HAGHL: variants seen among roughly 807,000 people sequenced by gnomAD.
HAGHL encodes the protein hydroxyacylglutathione hydrolase like, also known as hydroxyacylglutathione hydrolase-like protein.
In HAGHL, 27 loss-of-function variants were observed where a neutral mutation model predicts 29.2. That is an observed-to-expected ratio of 0.92 (90% CI 0.68 to 1.27). HAGHL has a LOEUF of 1.27. HAGHL is among the 50% of genes most tolerant of loss of function. The probability of loss-of-function intolerance (pLI) is 0.00; values close to 1 mark genes in which losing one functional copy is unlikely to be tolerated. For synonymous variants in HAGHL, 223 were observed against 185.7 expected, an observed-to-expected ratio of 1.20 and a Z score of -1.63; for missense variants, 529 against 405.5, an observed-to-expected ratio of 1.30 and a Z score of -2.62.
chr16:728,701 A>G (rs1272420700), intron 5 of HAGHL, 93 bp from the exon 6 acceptor site: 1 of 1,312,152 alleles, frequency 7.6e-7, no homozygotes, highest in East Asian at 2.4e-5. Flanking sequence ...TGCCCACCTG[A>G]GGGCAGACCG....
rs776347008 is a variant in HAGHL at position 729,068 on chromosome 16, C to T, written c.660C>T (p.Tyr220=). 2 of 1,609,828 alleles carry T rather than the reference C, an allele frequency of 1.2e-6. No individual in the cohort carries two copies. Among genetic ancestry groups the T allele is most frequent in the Non-Finnish European group, 1.7e-6 (2 of 1,179,774 alleles). The part of the protein sequence containing the change: ...VPSTLGEERL[Y]NPFLRVAEEP... ...CGACTCTGGGCGAGGAGCGCCTCTA[C>T]AACCCCTTCCTGCGGGTGGCGTGAG... The change falls in exon 7 of 8, where the codon TAC becomes TAT. Residue 220 remains tyrosine (Y), a synonymous_variant. Coordinates refer to ENST00000389703, the MANE Select transcript of HAGHL (RefSeq NM_032304.4).
intron 5 of HAGHL, 91 bp downstream of exon 5, chr16:728,695 C>T: frequency 7.6e-7 from 1 of 1,316,020 alleles, no homozygotes; most frequent in East Asian, 2.4e-5. Flanking sequence ...AGTGAATGCC[C>T]ACCTGAGGGC....
rs2041131493 is a variant in HAGHL, at chr16:728,129, G to A, written c.184G>A (p.Gly62Arg). 1 of 1,476,718 alleles carries A rather than the reference G, an allele frequency of 6.8e-7. No individual in the cohort carries two copies. Among genetic ancestry groups the A allele is most frequent in the East Asian group, 2.9e-5 (1 of 34,762 alleles). 91.5% of individuals were successfully genotyped at this position (1,476,718 alleles called of 1,614,324 possible). The change falls in exon 3 of 8, where the codon GGA (glycine) becomes AGA (arginine). Residue 62 changes from glycine (G) to arginine (R), a missense_variant. Coordinates refer to ENST00000389703, the MANE Select transcript of HAGHL (RefSeq NM_032304.4). ...TTHHHWDHAR[G>R]NPELARLRPG... Reference sequence around the variant, plus strand: ...GCCCGCCCGCAGGGACCACGCGCGGGGAAACCCGGAGCTGGCGCGGCTTCG... The same window carrying A: ...GCCCGCCCGCAGGGACCACGCGCGGAGAAACCCGGAGCTGGCGCGGCTTCG...
Position 728,337 on chromosome 16 carries a change from TGCCTCCTGACGCCCG to T in HAGHL, c.314_328del (p.Leu105_Gly109del). The T allele has an allele frequency of 6.4e-7, 1 of 1,567,392 alleles. No individual in the cohort carries two copies. Among genetic ancestry groups the T allele is most frequent in the Middle Eastern group, 1.8e-4 (1 of 5,694 alleles). ...GCAGTTCGGGGCCATCCACGTGCGT[TGCCTCCTGACGCCCG>T]GCCACACCGCCGGCCACATGAGCTA... On this transcript the variant is annotated inframe_deletion, in exon 4 of 8. Coordinates refer to ENST00000389703, the MANE Select transcript of HAGHL (RefSeq NM_032304.4).
At chr16:728,664 C>A in intron 5 of HAGHL, 60 bp downstream of exon 5, 1 of 1,278,102 alleles carries the variant, frequency 7.8e-7, no homozygotes, top group Non-Finnish European at 1.1e-6. Context: ...GCTCCGCACC[C>A]TCACTGTGCT....
rs2041047133 is a variant in HAGHL, at chr16:727,442, C to T, written c.-68C>T. On this transcript the variant is annotated 5_prime_UTR_variant, in exon 1 of 8. Transcript: ENST00000389703. ...CCTAGGGTGTGGAGAGCGGGCCCCG[C>T]CCTGAAGGGGCACCGTGGGCTGGGG... The T allele has an allele frequency of 1.1e-6, 1 of 940,582 alleles. No homozygotes were observed. The highest frequency in any genetic ancestry group is 2.0e-5 in the Admixed American group (1 of 49,550). The allele number at this position is 940,582 out of a possible 1,614,324, so 58.3% of individuals were successfully genotyped here. A position where few individuals can be genotyped will look rare whatever the true frequency, so the allele number is the denominator to read the frequency against.
chr16:728,688 G>C, intron 5 of HAGHL, 84 bp downstream of exon 5: 3 of 1,302,990 alleles, frequency 2.3e-6, no homozygotes, highest in Non-Finnish European at 3.2e-6. Context: ...GGTGCAGAGT[G>C]AATGCCCACC....
chr16:728,182 C>T lies in HAGHL; in HGVS notation c.237C>T (p.Asp79=). The T allele has an allele frequency of 6.9e-7, 1 of 1,458,988 alleles. No individual in the cohort carries two copies. Among genetic ancestry groups the T allele is most frequent in the Non-Finnish European group, 9.0e-7 (1 of 1,115,484 alleles). The allele number at this position is 1,458,988 out of a possible 1,614,324, so 90.4% of individuals were successfully genotyped here. ...CCGGGCTGGCGGTGCTGGGCGCGGA[C>T]GAGCGCATCTTCTCGCTGACGCGCA... ...LRPGLAVLGA[D]ERIFSLTRRL... The change falls in exon 3 of 8, where the codon GAC becomes GAT. Residue 79 remains aspartate, a synonymous_variant. Transcript: ENST00000389703.
At chr16:728,668 C>T (rs1189288395) in intron 5 of HAGHL, 64 bp downstream of exon 5, 4 of 1,267,782 alleles carry the variant, frequency 3.2e-6, no homozygotes, top group Non-Finnish European at 4.4e-6. Flanking sequence ...CGCACCCTCA[C>T]TGTGCTAGGG....
In HAGHL at chr16:727,394, C is replaced by G. The variant is rs982833137; in HGVS notation, c.-116C>G. The G allele has an allele frequency of 1.7e-6, 1 of 597,922 alleles. No homozygotes were observed. 37.0% of individuals were successfully genotyped at this position (597,922 alleles called of 1,614,324 possible). On this transcript the variant is annotated 5_prime_UTR_variant, in exon 1 of 8. Transcript: ENST00000389703. ...CTCTTTTGGCCCCCAGCGTGTTGACCGAGCCCGCTTCGCACAGCCCTTCCT... is the reference window on the plus strand; with the variant it reads ...CTCTTTTGGCCCCCAGCGTGTTGACGGAGCCCGCTTCGCACAGCCCTTCCT...
Position 729,403 on chromosome 16 carries a change from C to T in HAGHL, c.796C>T (p.Arg266Trp), listed in dbSNP as rs897734877. 18 of 1,530,158 alleles carry T rather than the reference C, an allele frequency of 1.2e-5. No individual in the cohort carries two copies. The African/African-American group carries it at 1.2e-4, about 11-fold the overall frequency. 94.8% of individuals were successfully genotyped at this position (1,530,158 alleles called of 1,614,324 possible). Residue 266 changes from arginine (R) to tryptophan (W), a missense_variant, in exon 8 of 8, where the codon CGG (arginine) becomes TGG (tryptophan). Arg to Trp is a moderately radical substitution (Grantham distance 101). Coordinates refer to ENST00000389703, the MANE Select transcript of HAGHL (RefSeq NM_032304.4). ...QAGEPRQPQA[R>W]ALLALQWGLL... ...GGGCGAGCCGCGGCAGCCACAGGCG[C>T]GGGCCCTCCTTGCGCTGCAGTGGGG...
chr16:728,921 AGAGG>A (rs2041212012), intron 6 of HAGHL, 26 bp downstream of exon 6: 1 of 547,092 alleles, frequency 1.8e-6, no homozygotes, highest in Admixed American at 3.3e-5. Flanking sequence ...CGCCGCGGCA[AGAGG>A]GTGGGGGGGG....
chr16:729,016 A>G lies in HAGHL; in HGVS notation c.608A>G (p.Asp203Gly), dbSNP rs1425620179. ...RAKLSWAKKRDEDDVPTVPST... is the reference protein window; with the variant it reads ...RAKLSWAKKRGEDDVPTVPST... ...GGCCTGTGGTCACTCCAGAAGAGGG[A>G]TGAGGATGACGTGCCCACTGTGCCG... Residue 203 changes from aspartate to glycine, a missense_variant, in exon 7 of 8, where the codon GAT becomes GGT. Coordinates refer to ENST00000389703, the MANE Select transcript of HAGHL (RefSeq NM_032304.4). 1.2e-6 allele frequency: 2 copies of G among 1,609,350 alleles called. No homozygotes were observed. The highest frequency in any genetic ancestry group is 1.7e-5 in the Admixed American group (1 of 59,776).
At position 729,056 on chromosome 16, in the gene HAGHL, G is replaced by T. The variant is rs771590062; in HGVS notation, c.648G>T (p.Glu216Asp). The T allele has an allele frequency of 4.3e-6, 7 of 1,610,210 alleles. No homozygotes were observed. The highest frequency in any genetic ancestry group is 8.5e-7 in the Non-Finnish European group (1 of 1,179,742). The change falls in exon 7 of 8, where the codon GAG (glutamate) becomes GAT (aspartate). Residue 216 changes from glutamate (E) to aspartate (D), a missense_variant. Coordinates refer to ENST00000389703, the MANE Select transcript of HAGHL (RefSeq NM_032304.4). ...DVPTVPSTLG[E>D]ERLYNPFLRV... ...CCACTGTGCCGTCGACTCTGGGCGA[G>T]GAGCGCCTCTACAACCCCTTCCTGC...
Position 727,819 on chromosome 16 carries a change from G to A in HAGHL, c.106-146G>A. 3.3e-6 allele frequency: 3 copies of A among 896,944 alleles called. No individual in the cohort carries two copies. In the South Asian group the frequency reaches 4.8e-5, roughly 14 times the overall value. The allele number at this position is 896,944 out of a possible 1,614,324, so 55.6% of individuals were successfully genotyped here. A position where few individuals can be genotyped will look rare whatever the true frequency, so the allele number is the denominator to read the frequency against. ...CTGCCTGGCGGTCCCTGCACGCGCT[G>A]GGCGCAGTCACCGCCCGCTGGGTCC... On this transcript the variant is annotated intron_variant, in intron 1 of 7. Transcript: ENST00000389703.
At position 727,205 on chromosome 16, in the gene HAGHL, G is replaced by A. The variant is rs922712512; in HGVS notation, c.-305G>A. ...GGGGTCTTGCGGCGGCAGGGCGGGG[G>A]GCCGAGGGGCGGGGCCTGGGAGGAA... On this transcript the variant is annotated 5_prime_UTR_variant, in exon 1 of 8. Coordinates refer to ENST00000389703, the MANE Select transcript of HAGHL (RefSeq NM_032304.4). 58 of 289,888 alleles carry A rather than the reference G, an allele frequency of 2.0e-4. No homozygotes were observed. Among genetic ancestry groups the A allele is most frequent in the Non-Finnish European group, 2.8e-4 (44 of 155,454 alleles). 18.0% of individuals were successfully genotyped at this position (289,888 alleles called of 1,614,324 possible). A position where few individuals can be genotyped will look rare whatever the true frequency, so the allele number is the denominator to read the frequency against.
At chr16:727,773 C>G in intron 1 of HAGHL, 159 bp downstream of exon 1, 2 of 730,896 alleles carry the variant, frequency 2.7e-6, no homozygotes, top group East Asian at 2.8e-5. Flanking sequence ...TACGGCACCT[C>G]TGGCCTCCGC....
chr16:729,333 C>T lies in HAGHL; in HGVS notation c.726C>T (p.Asp242=), dbSNP rs946071444. 1.9e-5 allele frequency: 29 copies of T among 1,533,862 alleles called. No homozygotes were observed. In the African/African-American group the frequency reaches 3.2e-4, roughly 17 times the overall value. Residue 242 remains aspartate, a synonymous_variant, in exon 8 of 8, where the codon GAC becomes GAT. Transcript: ENST00000389703. ...RKFTGKAVPA[D]VLEALCKERA... ...TCACGGGCAAGGCGGTCCCCGCCGACGTCCTGGAGGCGCTATGCAAGGAGC... is the reference window on the plus strand; with the variant it reads ...TCACGGGCAAGGCGGTCCCCGCCGATGTCCTGGAGGCGCTATGCAAGGAGC...
At chr16:728,663 C>A in intron 5 of HAGHL, 59 bp downstream of exon 5, 2 of 1,276,554 alleles carry the variant, frequency 1.6e-6, no homozygotes, top group Non-Finnish European at 2.2e-6. Context: ...CGCTCCGCAC[C>A]CTCACTGTGC....
Sources: allele counts gnomAD v4.1 joint callset, GRCh38; gene constraint gnomAD v4.1.1; transcripts MANE v1.5; gene names NCBI Gene and HGNC (gene_info 2026-07-23, HGNC 2026-07-21).